The following GABRB2 variants were observed in gnomAD, a reference collection of about 807,000 sequenced individuals.
GABRB2 encodes the protein gamma-aminobutyric acid receptor subunit beta-2.
A neutral mutation model predicts 54.7 loss-of-function variants in GABRB2; 16 were observed. That is an observed-to-expected ratio of 0.29 (90% confidence interval 0.20 to 0.44). The LOEUF is 0.44. GABRB2 is among the 20% of genes least tolerant of loss of function. GABRB2 has a pLI of 1.00. For synonymous variants in GABRB2, 244 were observed against 233.8 expected, an observed-to-expected ratio of 1.04 and a Z score of -0.40; for missense variants, 355 against 644.0, an observed-to-expected ratio of 0.55 and a Z score of 4.86.
At chr5:161,309,452 T>C (rs1325623752) in intron 9 of GABRB2, among the ~76,000 whole-genome samples, 1 of 152,172 alleles carries the variant, frequency 6.6e-6, no homozygotes, top group Non-Finnish European at 1.5e-5. Context: ...AGTGTGGCGA[T>C]TTCCCAGAGA....
In GABRB2 at chr5:161,319,139, T is replaced by TAAAAA. The variant is rs751223327; in HGVS notation, c.1191+7228_1191+7229insTTTTT. Among the ~76,000 whole-genome samples the TAAAAA allele has an allele frequency of 4.6e-4, 69 of 148,472 alleles. 1 individual carries two copies. The highest frequency in any genetic ancestry group is 1.5e-3 in the African/African-American group (63 of 40,822). On this transcript the variant is annotated intron_variant, in intron 9 of 9. Transcript: ENST00000393959. Reference sequence around the variant, plus strand: ...TTTTATTAGCTGTTTTTTTTTTTTTTAAATAAACAATAGTGGTGATGGCGG... The same window carrying TAAAAA: ...TTTTATTAGCTGTTTTTTTTTTTTTTAAAAAAAATAAACAATAGTGGTGATGGCGG...
intron 3 of GABRB2, among the ~76,000 whole-genome samples, chr5:161,516,193 TTGA>T (rs1392106564): frequency 1.3e-5 from 2 of 152,224 alleles, no homozygotes; most frequent in Non-Finnish European, 2.9e-5. Context: ...TTTACTGTTG[TTGA>T]TAAAACTTAA....
At chr5:161,492,108 T>C (rs1194918039) in intron 3 of GABRB2, among the ~76,000 whole-genome samples, 1 of 151,698 alleles carries the variant, frequency 6.6e-6, no homozygotes, top group African/African-American at 2.4e-5. Flanking sequence ...GCTTTTTAAA[T>C]AAGAACTTAT....
intron 9 of GABRB2, among the ~76,000 whole-genome samples, chr5:161,322,053 T>G (rs1313874380): frequency 6.6e-6 from 1 of 152,108 alleles, no homozygotes; most frequent in Non-Finnish European, 1.5e-5. Flanking sequence ...GCTTCTGTAG[T>G]CATATTTTCT....
intron 3 of GABRB2, among the ~76,000 whole-genome samples, chr5:161,478,392 C>T (rs950178596): frequency 2.0e-5 from 3 of 152,024 alleles, no homozygotes; most frequent in South Asian, 4.1e-4. Context: ...CTACTTTGAC[C>T]AGATATGGTA....
chr5:161,385,017 A>G (rs1198746320), intron 5 of GABRB2, among the ~76,000 whole-genome samples: 3 of 152,150 alleles, frequency 2.0e-5, no homozygotes, highest in African/African-American at 7.2e-5. Flanking sequence ...TGCTTTTCCA[A>G]GACCACAGCC....
chr5:161,427,920 T>A (rs1483260406), intron 4 of GABRB2, among the ~76,000 whole-genome samples: 1 of 152,124 alleles, frequency 6.6e-6, no homozygotes, highest in Non-Finnish European at 1.5e-5. Context: ...GAGTCATTAT[T>A]TCTAGAGCAA....
At chr5:161,364,300 A>G (rs915004765) in intron 5 of GABRB2, among the ~76,000 whole-genome samples, 1 of 152,164 alleles carries the variant, frequency 6.6e-6, no homozygotes, top group Non-Finnish European at 1.5e-5. Flanking sequence ...TTTTTCCTCT[A>G]GTCTCCTGTT....
At chr5:161,499,180 G>A (rs1487277683) in intron 3 of GABRB2, among the ~76,000 whole-genome samples, 1 of 152,054 alleles carries the variant, frequency 6.6e-6, no homozygotes, top group Non-Finnish European at 1.5e-5. Context: ...GGACTTCGTA[G>A]CCCCCACTGC....
intron 4 of GABRB2, among the ~76,000 whole-genome samples, chr5:161,451,587 C>T (rs1016144927): frequency 7.9e-5 from 12 of 152,038 alleles, no homozygotes; most frequent in African/African-American, 2.4e-4. Context: ...AAATAATAGT[C>T]CTGCATTTGA....
intron 5 of GABRB2, among the ~76,000 whole-genome samples, chr5:161,382,348 A>T (rs993706619): frequency 6.6e-6 from 1 of 152,182 alleles, no homozygotes; most frequent in African/African-American, 2.4e-5. Flanking sequence ...CATCAGACTG[A>T]GGGGGTACAG....
rs77379789 is a variant in GABRB2 at position 161,452,471 on chromosome 5, G to A, written c.458+7153C>T. Among the ~76,000 whole-genome samples, 284 of 152,226 alleles carry A rather than the reference G, an allele frequency of 1.9e-3. 6 individuals are homozygous for A. In the East Asian group the frequency reaches 0.051, roughly 27 times the overall value. On this transcript the variant is annotated intron_variant, in intron 4 of 9. Transcript: ENST00000393959. ...ACCCAATAAATATCCTATTTTAAGT[G>A]AATAATAGTCTGAATTATACCTATG... is the stretch of plus-strand genomic sequence containing the variant.
chr5:161,379,262 C>T (rs1755394394), intron 5 of GABRB2, among the ~76,000 whole-genome samples: 1 of 152,004 alleles, frequency 6.6e-6, no homozygotes, highest in Admixed American at 6.6e-5. Context: ...CCAACAAAAG[C>T]AAAAGCAACA....
intron 3 of GABRB2, among the ~76,000 whole-genome samples, chr5:161,521,835 C>A (rs1760125407): frequency 6.6e-6 from 1 of 151,770 alleles, no homozygotes; most frequent in South Asian, 2.1e-4. Flanking sequence ...ATCTCTGCCT[C>A]AACAAAGCAG....
At position 161,294,123 on chromosome 5, in the gene GABRB2, A is replaced by G. The variant is rs1246394601; in HGVS notation, c.1497T>C (p.Phe499=). ...RWSRIFFPVV[F]SFFNIVYWLY... ...GCCAATAGACGATGTTGAAGAAGGA[A>G]AAAACCACTGGGAAGAATATGCGGG... is the stretch of plus-strand genomic sequence containing the variant. Residue 499 remains phenylalanine (F), a synonymous_variant, in exon 10 of 10, where the codon TTT becomes TTC. Coordinates refer to ENST00000393959, the MANE Select transcript of GABRB2 (RefSeq NM_001371727.1). The G allele has an allele frequency of 6.2e-7, 1 of 1,613,872 alleles. No individual in the cohort carries two copies. The highest frequency in any genetic ancestry group is 2.2e-5 in the East Asian group (1 of 44,872).
intron 8 of GABRB2, 121 bp downstream of exon 8, chr5:161,330,762 A>G: frequency 2.2e-6 from 3 of 1,383,742 alleles, no homozygotes; most frequent in South Asian, 1.3e-5. Flanking sequence ...GCTTTGGGGA[A>G]AATTACCCAT....
chr5:161,447,804 T>A (rs1757679628), intron 4 of GABRB2, among the ~76,000 whole-genome samples: 1 of 152,206 alleles, frequency 6.6e-6, no homozygotes, highest in South Asian at 2.1e-4. Flanking sequence ...ATAGGTTGTG[T>A]AATTTTTTAA....
chr5:161,374,402 A>G (rs1287882259), intron 5 of GABRB2, among the ~76,000 whole-genome samples: 1 of 152,154 alleles, frequency 6.6e-6, no homozygotes, highest in Non-Finnish European at 1.5e-5. Flanking sequence ...TGTAAATGAA[A>G]CATCCTTTCA....
At chr5:161,398,044 T>C (rs200699351) in intron 5 of GABRB2, among the ~76,000 whole-genome samples, 1 of 149,124 alleles carries the variant, frequency 6.7e-6, no homozygotes, top group African/African-American at 2.6e-5. Context: ...GATAGACAGA[T>C]AGATAGATAG....
Sources: gnomAD v4.1 joint callset for allele counts (sites outside exome capture counted in the v4.1 genomes callset) on GRCh38, gnomAD v4.1.1 for gene constraint, MANE v1.5 for transcripts, NCBI Gene and HGNC (gene_info 2026-07-23, HGNC 2026-07-21) for gene names.